The following CDC42SE2 variants were observed in gnomAD, a reference collection of about 807,000 sequenced individuals.
CDC42SE2 encodes the protein CDC42 small effector 2.
Under a neutral mutation model 11.5 loss-of-function variants are expected in CDC42SE2, and 3 were observed. That is an observed-to-expected ratio of 0.26 (90% CI 0.12 to 0.67). The LOEUF is 0.67. Ranked by LOEUF, CDC42SE2 falls within the 30% of genes least tolerant of loss-of-function variation. The pLI is 0.80. For missense variants in CDC42SE2, 82 were observed against 106.8 expected (o/e 0.77, Z 1.02); for synonymous variants, 33 against 34.8 (o/e 0.95, Z 0.18).
intron 2 of CDC42SE2, among the ~76,000 whole-genome samples, chr5:131,323,700 A>G (rs1422108374): frequency 6.6e-6 from 1 of 152,106 alleles, no homozygotes. Context: ...TTAGAATTCC[A>G]GTAGTGTACC....
At chr5:131,303,039 A>C (rs1255904665) in intron 1 of CDC42SE2, among the ~76,000 whole-genome samples, 1 of 152,220 alleles carries the variant, frequency 6.6e-6, no homozygotes, top group Non-Finnish European at 1.5e-5. Flanking sequence ...TAGTGTCGCC[A>C]CTGGCTACAT....
intron 1 of CDC42SE2, among the ~76,000 whole-genome samples, chr5:131,290,446 T>C (rs1757432577): frequency 6.6e-6 from 1 of 151,900 alleles, no homozygotes; most frequent in Non-Finnish European, 1.5e-5. Context: ...TGAGAAACTG[T>C]ATAACTGGCT....
chr5:131,375,742 T>C (rs1193317984), intron 3 of CDC42SE2, among the ~76,000 whole-genome samples: 2 of 152,258 alleles, frequency 1.3e-5, no homozygotes, highest in Admixed American at 6.5e-5. Context: ...TATTCAGTTA[T>C]TGAAGAGCAG....
At chr5:131,372,247 C>T (rs1301265025) in intron 3 of CDC42SE2, among the ~76,000 whole-genome samples, 2 of 152,094 alleles carry the variant, frequency 1.3e-5, no homozygotes, top group Non-Finnish European at 2.9e-5. Flanking sequence ...TTACTCAATG[C>T]CATTTTTTTG....
intron 1 of CDC42SE2, among the ~76,000 whole-genome samples, chr5:131,254,026 C>T (rs1374667606): frequency 1.3e-5 from 2 of 152,282 alleles, no homozygotes; most frequent in East Asian, 3.9e-4. Context: ...AGTGGAAACA[C>T]CACAGATTTT....
intron 1 of CDC42SE2, among the ~76,000 whole-genome samples, chr5:131,272,081 G>A (rs560216737): frequency 6.6e-6 from 1 of 152,110 alleles, no homozygotes; most frequent in African/African-American, 2.4e-5. Context: ...CGCGATCTTG[G>A]CTCACTGCAA....
rs201052883 is a variant in CDC42SE2 at position 131,320,378 on chromosome 5, C to T, written c.-286+4234C>T. ...CTGTACTCCAGCCTGCGTGACAGAGCGAGACTCTGTCTCAAAAAATAAGTA... is the reference window on the plus strand; with the variant it reads ...CTGTACTCCAGCCTGCGTGACAGAGTGAGACTCTGTCTCAAAAAATAAGTA... On this transcript the variant is annotated intron_variant, in intron 2 of 4. Transcript: ENST00000505065. 6.0e-5 allele frequency among the ~76,000 whole-genome samples: 9 copies of T among 149,872 alleles called. No homozygotes were observed. The East Asian group carries it at 9.7e-4, about 16-fold the overall frequency.
chr5:131,311,945 G>A (rs1358072208), intron 1 of CDC42SE2, among the ~76,000 whole-genome samples: 1 of 152,162 alleles, frequency 6.6e-6, no homozygotes, highest in Non-Finnish European at 1.5e-5. Flanking sequence ...CACTCAGCTC[G>A]TCAAAGTCAT....
At chr5:131,232,206 C>T in the CDC42SE2 span, among the ~76,000 whole-genome samples, 2 of 151,956 alleles carry the variant, frequency 1.3e-5, no homozygotes, top group African/African-American at 2.4e-5. Flanking sequence ...CTTGACTTCC[C>T]GAACTCAGGT....
In CDC42SE2 at chr5:131,310,967, A is replaced by G. The variant is rs1474905436; in HGVS notation, c.-454-5009A>G. 1.1e-4 allele frequency among the ~76,000 whole-genome samples: 16 copies of G among 150,360 alleles called. No individual in the cohort carries two copies. The South Asian group carries it at 3.0e-3, about 28-fold the overall frequency. ...TTTAAAGTTAATATTGTTATGTGTG[A>G]ATTTGATCCTGTCATTATGATGTTA... On this transcript the variant is annotated intron_variant, in intron 1 of 4. Transcript: ENST00000505065.
intron 2 of CDC42SE2, among the ~76,000 whole-genome samples, chr5:131,336,639 G>A (rs911726177): frequency 1.1e-4 from 17 of 152,110 alleles, no homozygotes; most frequent in African/African-American, 4.1e-4. Flanking sequence ...TTTTCACATA[G>A]TCCCATATTT....
chr5:131,237,178 C>T, the CDC42SE2 span, among the ~76,000 whole-genome samples: 1 of 152,174 alleles, frequency 6.6e-6, no homozygotes, highest in African/African-American at 2.4e-5. Flanking sequence ...GCATCCCACT[C>T]TTCCTTAATT....
intron 1 of CDC42SE2, among the ~76,000 whole-genome samples, chr5:131,311,648 A>G (rs753845118): frequency 8.6e-5 from 13 of 152,018 alleles, no homozygotes; most frequent in Non-Finnish European, 1.5e-4. Flanking sequence ...GTTTCTTTTT[A>G]TTCTTTTTTC....
intron 1 of CDC42SE2, among the ~76,000 whole-genome samples, chr5:131,270,945 G>T (rs1000194707): frequency 6.6e-6 from 1 of 152,078 alleles, no homozygotes; most frequent in Admixed American, 6.6e-5. Context: ...AAAGATATAG[G>T]GGGGAAGGTG....
chr5:131,285,106 A>T (rs1393163925), intron 1 of CDC42SE2, among the ~76,000 whole-genome samples: 2 of 151,782 alleles, frequency 1.3e-5, no homozygotes, highest in African/African-American at 4.8e-5. Context: ...TGGACAACAT[A>T]AAAAAACCCT....
chr5:131,384,686 C>G (rs898398111), intron 3 of CDC42SE2, among the ~76,000 whole-genome samples: 1 of 151,844 alleles, frequency 6.6e-6, no homozygotes, highest in African/African-American at 2.4e-5. Context: ...GGAAATATCT[C>G]TAAGGGGTAG....
intron 2 of CDC42SE2, among the ~76,000 whole-genome samples, chr5:131,344,232 G>A (rs963147079): frequency 6.6e-5 from 10 of 152,288 alleles, no homozygotes; most frequent in Non-Finnish European, 1.0e-4. Flanking sequence ...GCAGGGGATC[G>A]GGGAATTCCC....
At chr5:131,305,833 C>A (rs1027727058) in intron 1 of CDC42SE2, among the ~76,000 whole-genome samples, 2 of 152,150 alleles carry the variant, frequency 1.3e-5, no homozygotes, top group Non-Finnish European at 2.9e-5. Flanking sequence ...ATTGCTCAGA[C>A]CAATGTCATG....
intron 4 of CDC42SE2, among the ~76,000 whole-genome samples, chr5:131,390,297 CTTA>C (rs1750611367): frequency 6.6e-6 from 1 of 152,086 alleles, no homozygotes; most frequent in Admixed American, 6.6e-5. Context: ...TTTATTCATG[CTTA>C]TTTTCTTGGT....
Sources: gnomAD v4.1 joint callset for allele counts (sites outside exome capture counted in the v4.1 genomes callset) on GRCh38, gnomAD v4.1.1 for gene constraint, MANE v1.5 for transcripts, NCBI Gene and HGNC (gene_info 2026-07-23, HGNC 2026-07-21) for gene names.